Variants in DENND1A observed in about 807,000 individuals in gnomAD.
The protein encoded by DENND1A is DENN domain containing 1A, also known as DENN domain-containing protein 1A.
In DENND1A, 51 loss-of-function variants were observed where a neutral mutation model predicts 113.7. The ratio of observed to expected loss-of-function variants is 0.45; its 90% CI spans 0.36 to 0.57. The LOEUF is 0.57. DENND1A is among the 20% of genes least tolerant of loss of function. The pLI, the probability that DENND1A is intolerant of heterozygous loss-of-function variation, is 0.00. For missense variants in DENND1A, 1,258 were observed against 1,395.9 expected, an observed-to-expected ratio of 0.90 and a Z score of 1.57; for synonymous variants, 565 against 570.8, an observed-to-expected ratio of 0.99 and a Z score of 0.14.
At position 123,401,805 on chromosome 9, in the gene DENND1A, G is replaced by GT. The variant is rs1321521475; in HGVS notation, c.1631+1596dup. 9 of 1,614,102 alleles carry GT rather than the reference G, an allele frequency of 5.6e-6. No homozygotes were observed. In the East Asian group the frequency reaches 1.6e-4, roughly 28 times the overall value. ...CTGCCCAGTCTGGAAAAGCAACGGC[G>GT]TAAGTCAATGTGATGAAGAGGTCCA... On this transcript the variant is annotated intron_variant, in intron 21 of 23. Coordinates refer to ENST00000394215, the MANE Select transcript of DENND1A (RefSeq NM_001352964.2).
chr9:123,424,471 C>T (rs2045560087), intron 19 of DENND1A, among the ~76,000 whole-genome samples: 2 of 152,192 alleles, frequency 1.3e-5, no homozygotes, highest in East Asian at 3.8e-4. Flanking sequence ...CTAGATTAGG[C>T]TCCCACCAGC....
rs57201961 is a variant in DENND1A, at chr9:123,464,337, G to T, written c.994-6440C>A. Among the ~76,000 whole-genome samples, 44 of 152,276 alleles carry T rather than the reference G, an allele frequency of 2.9e-4. 1 individual carries two copies. The East Asian group carries it at 7.9e-3, about 27-fold the overall frequency. ...CAGCCAAAAGATGGAAGCAACCCAA[G>T]GGTTCATCTGTGGAGGAGCGGATAA... On this transcript the variant is annotated intron_variant, in intron 13 of 23. Transcript: ENST00000394215.
At chr9:123,703,594 A>G (rs1173728520) in intron 5 of DENND1A, among the ~76,000 whole-genome samples, 1 of 152,204 alleles carries the variant, frequency 6.6e-6, no homozygotes, top group Non-Finnish European at 1.5e-5. Context: ...AAGGACCTAG[A>G]AAACAATGAA....
chr9:123,548,915 G>A lies in DENND1A; in HGVS notation c.993+8655C>T, dbSNP rs937393961. Among the ~76,000 whole-genome samples the A allele has an allele frequency of 2.0e-5, 3 of 152,212 alleles. No individual in the cohort carries two copies. The East Asian group carries it at 5.8e-4, about 29-fold the overall frequency. On this transcript the variant is annotated intron_variant, in intron 13 of 23. Transcript: ENST00000394215. ...AGGTTACTAAGGGCTGGGGGAAAGG[G>A]AAATGAGAAGTTCTTGCTCACTGGA...
rs190320249 is a variant in DENND1A at position 123,691,604 on chromosome 9, A to G, written c.303-14815T>C. ...AGGATCTTTGGCAATAGTAGAGATG[A>G]AACTAGAGCAGTCCAAAGAGCCCAG... is the stretch of plus-strand genomic sequence containing the variant. On this transcript the variant is annotated intron_variant, in intron 5 of 23. Coordinates refer to ENST00000394215, the MANE Select transcript of DENND1A (RefSeq NM_001352964.2). Among the ~76,000 whole-genome samples the G allele has an allele frequency of 1.5e-3, 222 of 150,836 alleles. 1 individual carries two copies. The highest frequency in any genetic ancestry group is 5.3e-3 in the African/African-American group (218 of 40,906).
chr9:123,687,248 G>C (rs192994222), intron 5 of DENND1A, among the ~76,000 whole-genome samples: 1 of 152,104 alleles, frequency 6.6e-6, no homozygotes, highest in African/African-American at 2.4e-5. Flanking sequence ...CCCCCCCAGC[G>C]ATCAGAGAGC....
At chr9:123,460,365 C>T (rs2048434389) in intron 13 of DENND1A, among the ~76,000 whole-genome samples, 1 of 152,174 alleles carries the variant, frequency 6.6e-6, no homozygotes, top group Non-Finnish European at 1.5e-5. Context: ...TTAATTCTCT[C>T]TCCAGGTGAT....
rs1421680904 is a variant in DENND1A, at chr9:123,873,884, A to AG, written c.88+5066dup. Among the ~76,000 whole-genome samples, 9 of 152,136 alleles carry AG rather than the reference A, an allele frequency of 5.9e-5. No homozygotes were observed. The East Asian group carries it at 1.7e-3, about 29-fold the overall frequency. On this transcript the variant is annotated intron_variant, in intron 2 of 23. Transcript: ENST00000394215. ...CAGCCACCCGAGCAGCTGGGACTACAGGCATGCACCACCATGCCTGGCTAG... is the reference window on the plus strand; with the variant it reads ...CAGCCACCCGAGCAGCTGGGACTACAGGGCATGCACCACCATGCCTGGCTAG...
intron 5 of DENND1A, among the ~76,000 whole-genome samples, chr9:123,708,258 A>G (rs1325575346): frequency 2.6e-5 from 4 of 152,228 alleles, no homozygotes; most frequent in African/African-American, 9.6e-5. Flanking sequence ...TGTTTATTTT[A>G]TCATTACCTT....
chr9:123,664,003 G>C (rs536111853), intron 8 of DENND1A, among the ~76,000 whole-genome samples: 29 of 152,268 alleles, frequency 1.9e-4, no homozygotes, highest in African/African-American at 6.7e-4. Context: ...GCCTTCCAGG[G>C]CTGCCAAAGC....
intron 2 of DENND1A, among the ~76,000 whole-genome samples, chr9:123,877,691 C>T (rs1452762707): frequency 3.4e-5 from 5 of 148,002 alleles, no homozygotes; most frequent in East Asian, 2.0e-4. Flanking sequence ...GGAGTGGTGG[C>T]GGGCGCCTGT....
chr9:123,927,249 G>A (rs1284022645), intron 1 of DENND1A, among the ~76,000 whole-genome samples: 1 of 152,180 alleles, frequency 6.6e-6, no homozygotes, highest in Non-Finnish European at 1.5e-5. Context: ...CTTTACCACT[G>A]ATCACACAAC....
intron 8 of DENND1A, among the ~76,000 whole-genome samples, chr9:123,660,677 C>G (rs372412582): frequency 7.8e-4 from 118 of 152,196 alleles, no homozygotes; most frequent in African/African-American, 2.7e-3. Context: ...CAGTTAAATA[C>G]AGTGAATTAA....
At chr9:123,412,487 AG>A (rs1412951254) in intron 19 of DENND1A, among the ~76,000 whole-genome samples, 2 of 152,188 alleles carry the variant, frequency 1.3e-5, no homozygotes, top group Non-Finnish European at 2.9e-5. Context: ...TCTATCTCCA[AG>A]GGGGTTCATC....
intron 4 of DENND1A, among the ~76,000 whole-genome samples, chr9:123,767,080 C>A (rs908688182): frequency 4.6e-5 from 7 of 152,152 alleles, no homozygotes; most frequent in Non-Finnish European, 8.8e-5. Context: ...ATCTAGGGGA[C>A]TTTATGGGCC....
rs748040033 is a variant in DENND1A, at chr9:123,516,095, TATACACACAC to T, written c.993+41465_993+41474del. On this transcript the variant is annotated intron_variant, in intron 13 of 23. Transcript: ENST00000394215. ...TCTCAATTATATATATATAGATATA[TATACACACAC>T]ATACACACACACACACACACACACA... 1.0e-4 allele frequency among the ~76,000 whole-genome samples: 11 copies of T among 109,708 alleles called. No individual in the cohort carries two copies. In the South Asian group the frequency reaches 2.4e-3, roughly 24 times the overall value. 72.0% of individuals were successfully genotyped at this position (109,708 alleles called of 152,430 possible).
intron 13 of DENND1A, among the ~76,000 whole-genome samples, chr9:123,526,841 C>A (rs896232959): frequency 6.6e-6 from 1 of 152,098 alleles, no homozygotes; most frequent in African/African-American, 2.4e-5. Flanking sequence ...TACTTTGTAC[C>A]TTTTCTCTAG....
intron 5 of DENND1A, among the ~76,000 whole-genome samples, chr9:123,711,755 G>C (rs762242489): frequency 6.6e-6 from 1 of 151,460 alleles, no homozygotes; most frequent in Non-Finnish European, 1.5e-5. Flanking sequence ...TACCAAACCC[G>C]CCCTGCCTCT....
intron 15 of DENND1A, 130 bp from the exon 16 acceptor site, chr9:123,454,909 G>A (rs566764122): frequency 1.2e-5 from 9 of 778,260 alleles, no homozygotes; most frequent in Non-Finnish European, 1.7e-5. Context: ...GTGCAGTGGT[G>A]CGATCTCAGC....
Sources: allele counts gnomAD v4.1 joint callset (sites outside exome capture counted in the v4.1 genomes callset), GRCh38; gene constraint gnomAD v4.1.1; transcripts MANE v1.5; gene names NCBI Gene and HGNC (gene_info 2026-07-23, HGNC 2026-07-21).